The following NAPB variants were observed in gnomAD, a reference collection of about 807,000 sequenced individuals.
The protein encoded by NAPB is NSF attachment protein beta, also known as beta-soluble NSF attachment protein.
In NAPB, 26 loss-of-function variants were observed where a neutral mutation model predicts 44.7. The ratio of observed to expected loss-of-function variants is 0.58; its 90% CI spans 0.43 to 0.81. NAPB has a LOEUF of 0.81. Among genes scored for constraint, NAPB ranks in the 30% least tolerant of loss-of-function variants. The probability of loss-of-function intolerance (pLI) is 0.00; values close to 1 mark genes in which losing one functional copy is unlikely to be tolerated. For missense variants in NAPB, 315 were observed against 356.4 expected, an observed-to-expected ratio of 0.88 and a Z score of 0.94; for synonymous variants, 120 against 116.8, an observed-to-expected ratio of 1.03 and a Z score of -0.18.
chr20:23,407,173 A>AT (rs1226221188), intron 1 of NAPB, among the ~76,000 whole-genome samples: 1 of 152,250 alleles, frequency 6.6e-6, no homozygotes, highest in Non-Finnish European at 1.5e-5. Flanking sequence ...CCCATTTGTC[A>AT]TAAACTGACC....
intron 3 of NAPB, 54 bp from the exon 4 acceptor site, chr20:23,395,239 G>A: frequency 6.3e-7 from 1 of 1,584,600 alleles, no homozygotes; most frequent in Non-Finnish European, 8.7e-7. Context: ...GTCAAAGAGG[G>A]TTCAGGTGAG....
intron 2 of NAPB, among the ~76,000 whole-genome samples, chr20:23,400,516 C>T (rs1004885884): frequency 9.9e-5 from 15 of 151,924 alleles, no homozygotes; most frequent in Admixed American, 2.0e-4. Flanking sequence ...ACTCCATTCT[C>T]GGAGGTGGAG....
intron 1 of NAPB, among the ~76,000 whole-genome samples, chr20:23,407,450 A>AT (rs11480078): frequency 0.081 from 12,325 of 152,090 alleles, 1,198 homozygotes; most frequent in African/African-American, 0.23. Flanking sequence ...TAAATTAACT[A>AT]TTTTTTTGTA....
chr20:23,379,168 A>C (rs1298269402), intron 10 of NAPB: 1 of 313,756 alleles, frequency 3.2e-6, no homozygotes, highest in Non-Finnish European at 5.8e-6. Flanking sequence ...TTCAAAAGAA[A>C]AAATTAAAAC....
intron 7 of NAPB, among the ~76,000 whole-genome samples, chr20:23,388,543 A>C (rs1460291316): frequency 6.6e-6 from 1 of 152,212 alleles, no homozygotes; most frequent in Non-Finnish European, 1.5e-5. Flanking sequence ...ACAGTGTAAT[A>C]CTGGCACAAA....
intron 5 of NAPB, among the ~76,000 whole-genome samples, chr20:23,391,856 A>C (rs1278025249): frequency 6.6e-6 from 1 of 152,236 alleles, no homozygotes; most frequent in African/African-American, 2.4e-5. Context: ...GGATGCTTGA[A>C]TGACAAAGGT....
At chr20:23,408,951 A>C (rs1467641230) in intron 1 of NAPB, among the ~76,000 whole-genome samples, 5 of 152,234 alleles carry the variant, frequency 3.3e-5, no homozygotes, top group South Asian at 2.1e-4. Flanking sequence ...CCAGAATGCT[A>C]ATTTGAATTC....
intron 7 of NAPB, among the ~76,000 whole-genome samples, chr20:23,387,747 A>G (rs1983632850): frequency 6.6e-6 from 1 of 152,226 alleles, no homozygotes; most frequent in Non-Finnish European, 1.5e-5. Context: ...GAAGATCCAA[A>G]TAAATATAAA....
At chr20:23,388,048 G>A (rs907922560) in intron 7 of NAPB, among the ~76,000 whole-genome samples, 2 of 152,188 alleles carry the variant, frequency 1.3e-5, no homozygotes, top group Admixed American at 6.5e-5. Context: ...CTTAGAGCCA[G>A]GACACTGGTA....
chr20:23,400,726 TATG>T (rs1984772327), intron 2 of NAPB, among the ~76,000 whole-genome samples: 2 of 152,152 alleles, frequency 1.3e-5, no homozygotes, highest in Admixed American at 6.5e-5. Context: ...GCAATGCTGT[TATG>T]ATCATCACCA....
chr20:23,381,174 T>G (rs376336066), intron 8 of NAPB, 39 bp downstream of exon 8: 33 of 1,357,440 alleles, frequency 2.4e-5, no homozygotes, highest in Non-Finnish European at 3.4e-5. Context: ...CGTATTCTTA[T>G]GGGTGAAATC....
At chr20:23,413,706 C>T (rs536253114) in intron 1 of NAPB, among the ~76,000 whole-genome samples, 2 of 152,134 alleles carry the variant, frequency 1.3e-5, no homozygotes, top group African/African-American at 4.8e-5. Flanking sequence ...AATGCAAATA[C>T]ATTTTTTAAA....
chr20:23,392,417 A>C (rs1984029690), intron 5 of NAPB, among the ~76,000 whole-genome samples: 1 of 152,128 alleles, frequency 6.6e-6, no homozygotes, highest in Admixed American at 6.5e-5. Flanking sequence ...CTGTAATCTC[A>C]GCATTTGGGA....
At chr20:23,396,494 C>T (rs183844043) in intron 3 of NAPB, among the ~76,000 whole-genome samples, 1 of 152,208 alleles carries the variant, frequency 6.6e-6, no homozygotes, top group Admixed American at 6.5e-5. Flanking sequence ...GAAATTAATA[C>T]TTTTAATTAC....
At chr20:23,403,603 CAA>C (rs200464480) in intron 1 of NAPB, among the ~76,000 whole-genome samples, 2 of 121,130 alleles carry the variant, frequency 1.7e-5, no homozygotes, top group African/African-American at 3.0e-5. Flanking sequence ...AACTATGTCT[CAA>C]AAAAAAAAAA....
At chr20:23,421,252 G>A (rs1488058878) in intron 1 of NAPB, 53 bp downstream of exon 1, 1 of 1,428,562 alleles carries the variant, frequency 7.0e-7, no homozygotes. Flanking sequence ...GAAAGGAAGG[G>A]GGCCAAGTAC....
At chr20:23,394,804 G>C in intron 5 of NAPB, 118 bp downstream of exon 5, 1 of 983,368 alleles carries the variant, frequency 1.0e-6, no homozygotes. Flanking sequence ...AAAGTCTCCA[G>C]GCAAGGCCAT....
intron 7 of NAPB, among the ~76,000 whole-genome samples, chr20:23,387,838 C>T (rs6083105): frequency 1.3e-5 from 2 of 151,840 alleles, no homozygotes; most frequent in Non-Finnish European, 2.9e-5. Flanking sequence ...TTATGTGTCA[C>T]CTTGAGTGGG....
intron 1 of NAPB, among the ~76,000 whole-genome samples, chr20:23,415,060 G>C (rs2123264262): frequency 6.6e-6 from 1 of 152,172 alleles, no homozygotes; most frequent in Middle Eastern, 3.4e-3. Context: ...ACATAACTAA[G>C]TAAAATGAGG....
Sources: gnomAD v4.1 joint callset for allele counts (sites outside exome capture counted in the v4.1 genomes callset) on GRCh38, gnomAD v4.1.1 for gene constraint, MANE v1.5 for transcripts, NCBI Gene and HGNC (gene_info 2026-07-23, HGNC 2026-07-21) for gene names.